The following POP5 variants were observed in gnomAD, a reference collection of about 807,000 sequenced individuals.
POP5 encodes the protein ribonuclease P/MRP protein subunit POP5.
A neutral mutation model predicts 20.7 loss-of-function variants in POP5; 18 were observed. The observed-to-expected ratio is 0.87, with a 90% CI of 0.60 to 1.29. The LOEUF (loss-of-function observed/expected upper bound fraction) is 1.29, where lower values mean the gene tolerates loss of function less well. POP5 is among the 50% of genes most tolerant of loss of function. POP5 has a pLI of 0.00. For missense variants in POP5, 200 were observed against 203.2 expected, an observed-to-expected ratio of 0.98 and a Z score of 0.10; for synonymous variants, 91 against 78.0, an observed-to-expected ratio of 1.17 and a Z score of -0.88.
Position 120,579,162 on chromosome 12 carries a change from TTAAC to T in POP5, c.*152_*155del, listed in dbSNP as rs369752922. On this transcript the variant is annotated 3_prime_UTR_variant, in exon 5 of 5. Coordinates refer to ENST00000357500, the MANE Select transcript of POP5 (RefSeq NM_015918.4). ...AATGCTAGGTAAAGGCAACTTCAGT[TTAAC>T]TGAGTACTCCATTTCAAGTGGGTAA... The T allele has an allele frequency of 5.6e-3, 3,788 of 671,604 alleles. 177 individuals carry two copies. The South Asian group carries it at 0.066, about 12-fold the overall frequency. 41.6% of individuals were successfully genotyped at this position (671,604 alleles called of 1,614,324 possible). A position where few individuals can be genotyped will look rare whatever the true frequency, so the allele number is the denominator to read the frequency against.
At chr12:120,581,018 C>T in intron 2 of POP5, 97 bp downstream of exon 2, 3 of 1,528,244 alleles carry the variant, frequency 2.0e-6, no homozygotes, top group Non-Finnish European at 2.6e-6. Context: ...GGTGCACGGG[C>T]TTGGCCACTC....
In POP5 at chr12:120,581,254, G is replaced by T. The variant is rs771176243; in HGVS notation, c.24C>A (p.Tyr8Ter). ...CGTCAGACACCAGTTCGCAGAGCAG[G>T]TACCTGCGGCAGGCGAGAGGAAGGT... MVRFKHRYLLCELVSDDP... is the reference protein window; with the variant it reads MVRFKHR Residue 8 changes from tyrosine to a stop codon, truncating the protein, a stop_gained, in exon 2 of 5, where the codon TAC (tyrosine) becomes TAA (stop). Coordinates refer to ENST00000357500, the MANE Select transcript of POP5 (RefSeq NM_015918.4). LOFTEE classifies it high-confidence loss of function. 2.1e-5 allele frequency: 34 copies of T among 1,614,128 alleles called. No homozygotes were observed.
At chr12:120,580,971 G>C in intron 2 of POP5, 144 bp downstream of exon 2, 4 of 1,313,840 alleles carry the variant, frequency 3.0e-6, no homozygotes, top group Non-Finnish European at 4.1e-6. Flanking sequence ...CTCTCGCTTG[G>C]GGTCCCAGGC....
In POP5 at chr12:120,581,189, C is replaced by T; in HGVS notation, c.89G>A (p.Ser30Asn). ...CRLSLDDRVL[S>N]SLVRDTIARV... Reference sequence around the variant, plus strand: ...GGCGATCGTGTCCCGTACGAGGCTGCTCAGAACTCGGTCATCGAGGCTTAG... The same window carrying T: ...GGCGATCGTGTCCCGTACGAGGCTGTTCAGAACTCGGTCATCGAGGCTTAG... Residue 30 changes from serine to asparagine, a missense_variant, in exon 2 of 5, where the codon AGC (serine) becomes AAC (asparagine). Ser to Asn is a conservative substitution (Grantham distance 46, BLOSUM62 1). Transcript: ENST00000357500. 1.2e-6 allele frequency: 2 copies of T among 1,614,042 alleles called. No individual in the cohort carries two copies. The highest frequency in any genetic ancestry group is 1.7e-6 in the Non-Finnish European group (2 of 1,180,040).
chr12:120,580,193 G>A (rs1255205372), intron 2 of POP5: 6 of 349,744 alleles, frequency 1.7e-5, no homozygotes, highest in East Asian at 6.6e-5. Context: ...AATGACCCCC[G>A]ATCTCGCTGC....
rs755869014 is a variant in POP5, at chr12:120,581,109, T to A, written c.163+6A>T. The A allele has an allele frequency of 6.2e-7, 1 of 1,609,374 alleles. No homozygotes were observed. Among genetic ancestry groups the A allele is most frequent in the Non-Finnish European group, 8.5e-7 (1 of 1,179,784 alleles). On this transcript the variant is annotated splice_donor_region_variant and intron_variant, in intron 2 of 4. Transcript: ENST00000357500. ...GGGTTCCCCTCTTCCCCCAGCGCCC[T>A]TGCACCCGCGAAGCCGATGGAGCAG...
chr12:120,580,322 C>T (rs771437350), intron 2 of POP5, among the ~76,000 whole-genome samples: 1 of 152,124 alleles, frequency 6.6e-6, no homozygotes, highest in Non-Finnish European at 1.5e-5. Context: ...GATCTATCAG[C>T]GAGTAAAAGA....
chr12:120,580,749 T>G (rs1402070927), intron 2 of POP5: 4 of 248,900 alleles, frequency 1.6e-5, no homozygotes, highest in Non-Finnish European at 2.4e-5. Context: ...GGAGTACTTT[T>G]GACAATTTTT....
rs970058365 is a variant in POP5 at position 120,581,054 on chromosome 12, C to T, written c.163+61G>A. 6.3e-6 allele frequency: 10 copies of T among 1,583,978 alleles called. No homozygotes were observed. In the African/African-American group the frequency reaches 1.3e-4, roughly 21 times the overall value. On this transcript the variant is annotated intron_variant, in intron 2 of 4. Coordinates refer to ENST00000357500, the MANE Select transcript of POP5 (RefSeq NM_015918.4). Reference sequence around the variant, plus strand: ...GTGCCCCTTCTTTCTTCCTCCGGCGCCTGCCCCCTCCACATCCCGCCATCC... The same window carrying T: ...GTGCCCCTTCTTTCTTCCTCCGGCGTCTGCCCCCTCCACATCCCGCCATCC...
intron 2 of POP5, among the ~76,000 whole-genome samples, chr12:120,580,431 A>G (rs1170706611): frequency 2.0e-5 from 3 of 152,226 alleles, no homozygotes; most frequent in African/African-American, 4.8e-5. Context: ...TTCAATAAAT[A>G]GGAGCAGGTA....
At chr12:120,580,731 G>A (rs1005554142) in intron 2 of POP5, 1 of 234,960 alleles carries the variant, frequency 4.3e-6, no homozygotes, top group Admixed American at 5.1e-5. Flanking sequence ...CTATTTAAGG[G>A]CTTTCCCGGA....
At chr12:120,579,628 T>C (rs1245047801) in intron 3 of POP5, 31 bp from the exon 4 acceptor site, 1 of 1,596,162 alleles carries the variant, frequency 6.3e-7, no homozygotes. Flanking sequence ...GTCAACAGCT[T>C]GTGAAAGATC....
At chr12:120,580,097 C>T (rs1877784131) in intron 2 of POP5, 174 bp from the exon 3 acceptor site, 1 of 580,056 alleles carries the variant, frequency 1.7e-6, no homozygotes, top group East Asian at 3.2e-5. Flanking sequence ...CAAAAATTAG[C>T]TGGGTGTGGT....
intron 1 of POP5, 43 bp from the exon 2 acceptor site, chr12:120,581,300 G>C (rs1280780322): frequency 6.2e-7 from 1 of 1,614,204 alleles, no homozygotes; most frequent in Non-Finnish European, 8.5e-7. Context: ...GGGGCCGCGA[G>C]GACCCAGCAA....
At position 120,579,597 on chromosome 12, in the gene POP5, C is replaced by T. The variant is rs1225730111; in HGVS notation, c.314G>A (p.Gly105Asp). The change falls in exon 4 of 5, where the codon GGT becomes GAT. Residue 105 changes from glycine to aspartate, a missense_variant and splice_region_variant. Coordinates refer to ENST00000357500, the MANE Select transcript of POP5 (RefSeq NM_015918.4). ...PCFFNTLHVG[G>D]TIRTCQKFLI... ...GAACTTCTGACATGTTCTTATTGTA[C>T]CTGGCATATGAGTTACTGTGGTCAA... 1.9e-6 allele frequency: 3 copies of T among 1,612,176 alleles called. No homozygotes were observed. Among genetic ancestry groups the T allele is most frequent in the Non-Finnish European group, 1.7e-6 (2 of 1,178,272 alleles).
intron 2 of POP5, 53 bp downstream of exon 2, chr12:120,581,062 C>T: frequency 1.3e-6 from 2 of 1,592,932 alleles, no homozygotes; most frequent in East Asian, 2.2e-5. Flanking sequence ...CGCCTGCCCC[C>T]TCCACATCCC....
chr12:120,580,907 C>T (rs1877828907), intron 2 of POP5: 1 of 699,814 alleles, frequency 1.4e-6, no homozygotes, highest in Non-Finnish European at 2.3e-6. Flanking sequence ...AGGCTTCTAG[C>T]TCAAAGCCCC....
chr12:120,581,060 C>T, intron 2 of POP5, 55 bp downstream of exon 2: 3 of 1,590,312 alleles, frequency 1.9e-6, no homozygotes, highest in Middle Eastern at 2.3e-4. Context: ...GGCGCCTGCC[C>T]CCTCCACATC....
Position 120,579,729 on chromosome 12 carries a change from C to T in POP5, c.313+45G>A, listed in dbSNP as rs761748223. ...CCACCAGTTTAGACTGAACTGTGAACGTGTCACCAATTGAAAATCAGTAGC... is the reference window on the plus strand; with the variant it reads ...CCACCAGTTTAGACTGAACTGTGAATGTGTCACCAATTGAAAATCAGTAGC... On this transcript the variant is annotated intron_variant, in intron 3 of 4. Transcript: ENST00000357500. 35 of 1,568,596 alleles carry T rather than the reference C, an allele frequency of 2.2e-5. No individual in the cohort carries two copies. The African/African-American group carries it at 3.7e-4, about 16-fold the overall frequency.
Sources: gnomAD v4.1 joint callset for allele counts (sites outside exome capture counted in the v4.1 genomes callset) on GRCh38, gnomAD v4.1.1 for gene constraint, MANE v1.5 for transcripts, NCBI Gene and HGNC (gene_info 2026-07-23, HGNC 2026-07-21) for gene names.